Variants in C3orf70 observed in about 807,000 individuals in gnomAD.
C3orf70 encodes the protein UPF0524 protein C3orf70.
A neutral mutation model predicts 20.7 loss-of-function variants in C3orf70; 15 were observed. The observed-to-expected ratio is 0.72, with a 90% CI of 0.48 to 1.11. The LOEUF is 1.11. Among genes scored for constraint, C3orf70 ranks in the 50% most tolerant of loss-of-function variants. The pLI is 0.00. For missense variants in C3orf70, 332 were observed against 317.6 expected (o/e 1.05, Z -0.34); for synonymous variants, 161 against 125.7 (o/e 1.28, Z -1.88).
intron 1 of C3orf70, among the ~76,000 whole-genome samples, chr3:185,087,913 ATTT>A (rs10714484): frequency 8.2e-5 from 11 of 134,456 alleles, no homozygotes; most frequent in Admixed American, 7.4e-5. Context: ...AGTTTTATAC[ATTT>A]TTTTTTTTTT....
chr3:185,126,658 T>G (rs1224492675), intron 1 of C3orf70, among the ~76,000 whole-genome samples: 1 of 152,216 alleles, frequency 6.6e-6, no homozygotes, highest in Non-Finnish European at 1.5e-5. Context: ...TTTACATTAA[T>G]GACATGGGTT....
chr3:185,119,218 C>T (rs9821588), intron 1 of C3orf70, among the ~76,000 whole-genome samples: 7,899 of 152,206 alleles, frequency 0.052, 665 homozygotes, highest in African/African-American at 0.18. Context: ...AAACCAAGAA[C>T]ATACCAAGTT....
chr3:185,123,861 A>G (rs1303374806), intron 1 of C3orf70, among the ~76,000 whole-genome samples: 1 of 152,046 alleles, frequency 6.6e-6, no homozygotes, highest in Non-Finnish European at 1.5e-5. Context: ...ATTTTAAATT[A>G]TTTTTTCCAG....
intron 1 of C3orf70, among the ~76,000 whole-genome samples, chr3:185,117,511 A>G (rs547908513): frequency 1.9e-4 from 29 of 152,284 alleles, no homozygotes; most frequent in African/African-American, 7.0e-4. Flanking sequence ...CTGAAGGAAC[A>G]AAAATATGGT....
chr3:185,141,456 G>C (rs569273431), intron 1 of C3orf70, among the ~76,000 whole-genome samples: 5 of 151,748 alleles, frequency 3.3e-5, no homozygotes, highest in Non-Finnish European at 7.4e-5. Context: ...GTAGAAAACT[G>C]TATAAAAATG....
At chr3:185,149,716 A>C (rs1201110164) in intron 1 of C3orf70, among the ~76,000 whole-genome samples, 1 of 152,228 alleles carries the variant, frequency 6.6e-6, no homozygotes, top group Non-Finnish European at 1.5e-5. Context: ...AGATTGTAAC[A>C]GAGCACCTAG....
At position 185,079,326 on chromosome 3, in the gene C3orf70, T is replaced by C. The variant is rs1046476549; in HGVS notation, c.*3681A>G. 4 of 138,874 alleles carry C rather than the reference T, an allele frequency of 2.9e-5. No individual in the cohort carries two copies. The highest frequency in any genetic ancestry group is 4.8e-5 in the Non-Finnish European group (3 of 62,798). The allele number at this position is 138,874 out of a possible 1,614,324, so 8.6% of individuals were successfully genotyped here. A position where few individuals can be genotyped will look rare whatever the true frequency, so the allele number is the denominator to read the frequency against. ...AAAAGTAAAGCCACCACTCCCAAGA[T>C]AGAATCAAATCCAAAAAGTATTTCA... is the stretch of plus-strand genomic sequence containing the variant. On this transcript the variant is annotated 3_prime_UTR_variant, in exon 2 of 2. Transcript: ENST00000335012.
intron 1 of C3orf70, among the ~76,000 whole-genome samples, chr3:185,121,999 G>T (rs4687050): frequency 0.94 from 142,656 of 151,810 alleles, 67,065 homozygotes; most frequent in Non-Finnish European, 0.95. Flanking sequence ...CTAGGGAAGC[G>T]GAGGCAGGAG....
At chr3:185,094,995 G>A (rs937910849) in intron 1 of C3orf70, among the ~76,000 whole-genome samples, 2 of 152,148 alleles carry the variant, frequency 1.3e-5, no homozygotes, top group African/African-American at 4.8e-5. Context: ...AGTGTGATGC[G>A]GGGAAAGAGG....
chr3:185,077,731 G>A lies in C3orf70; in HGVS notation c.*5276C>T, dbSNP rs62287930. On this transcript the variant is annotated 3_prime_UTR_variant, in exon 2 of 2. Coordinates refer to ENST00000335012, the MANE Select transcript of C3orf70 (RefSeq NM_001025266.3). ...CAGCCAACACTGCCCCACATGACAC[G>A]TGTAAGCCGAACAGAAAGGCTGTAA... is the stretch of plus-strand genomic sequence containing the variant. Among the ~76,000 whole-genome samples, 34 of 145,486 alleles carry A rather than the reference G, an allele frequency of 2.3e-4. No homozygotes were observed. Among genetic ancestry groups the A allele is most frequent in the Non-Finnish European group, 4.3e-4 (29 of 67,136 alleles).
intron 1 of C3orf70, among the ~76,000 whole-genome samples, chr3:185,087,212 G>A (rs544263246): frequency 3.3e-5 from 5 of 152,310 alleles, no homozygotes; most frequent in African/African-American, 1.2e-4. Flanking sequence ...ATAAATGGAT[G>A]AGAACTTTTA....
chr3:185,139,421 T>TGCACG (rs1716699747), intron 1 of C3orf70, among the ~76,000 whole-genome samples: 2 of 151,226 alleles, frequency 1.3e-5, no homozygotes, highest in African/African-American at 4.9e-5. Context: ...GGTGTGGTGG[T>TGCACG]GCACGCCTGT....
At chr3:185,150,566 C>T (rs1182769324) in intron 1 of C3orf70, among the ~76,000 whole-genome samples, 1 of 152,132 alleles carries the variant, frequency 6.6e-6, no homozygotes, top group African/African-American at 2.4e-5. Flanking sequence ...AGCTCAATGG[C>T]TTTGATGGCA....
At chr3:185,109,424 A>G (rs139898230) in intron 1 of C3orf70, among the ~76,000 whole-genome samples, 1,667 of 152,314 alleles carry the variant, frequency 0.011, 37 homozygotes, top group African/African-American at 0.039. Context: ...ATGCCGAGGA[A>G]GAGATTCTGG....
At chr3:185,127,703 G>C (rs1643978549) in intron 1 of C3orf70, among the ~76,000 whole-genome samples, 1 of 151,892 alleles carries the variant, frequency 6.6e-6, no homozygotes, top group Non-Finnish European at 1.5e-5. Context: ...GCCTCTCAAA[G>C]TGCTGGGATT....
At chr3:185,131,573 T>G (rs1401135097) in intron 1 of C3orf70, among the ~76,000 whole-genome samples, 2 of 152,204 alleles carry the variant, frequency 1.3e-5, no homozygotes, top group African/African-American at 4.8e-5. Context: ...CAGACTTTTT[T>G]CTGACCAAAT....
intron 1 of C3orf70, among the ~76,000 whole-genome samples, chr3:185,123,110 C>G (rs1190612181): frequency 1.4e-5 from 2 of 141,576 alleles, no homozygotes; most frequent in Non-Finnish European, 3.0e-5. Flanking sequence ...CCTGGGAGGA[C>G]AGAGGTTGCA....
intron 1 of C3orf70, among the ~76,000 whole-genome samples, chr3:185,138,186 C>T (rs1393180290): frequency 2.0e-5 from 3 of 152,114 alleles, no homozygotes; most frequent in African/African-American, 7.2e-5. Flanking sequence ...CAATGATCTA[C>T]ATTCATTCCT....
intron 1 of C3orf70, among the ~76,000 whole-genome samples, chr3:185,145,651 C>T (rs1716859002): frequency 6.6e-6 from 1 of 152,132 alleles, no homozygotes; most frequent in African/African-American, 2.4e-5. Flanking sequence ...AACCGACAGC[C>T]CTGGTTGCCA....
Sources: allele counts gnomAD v4.1 joint callset (sites outside exome capture counted in the v4.1 genomes callset), GRCh38; gene constraint gnomAD v4.1.1; transcripts MANE v1.5; gene names NCBI Gene and HGNC (gene_info 2026-07-23, HGNC 2026-07-21).